The following ACACA variants were observed in gnomAD, a reference collection of about 807,000 sequenced individuals.
ACACA encodes the protein acetyl-CoA carboxylase alpha, also known as acetyl-CoA carboxylase 1.
A neutral mutation model predicts 296.1 loss-of-function variants in ACACA; 103 were observed. The ratio of observed to expected loss-of-function variants is 0.35; its 90% CI spans 0.30 to 0.41. ACACA has a LOEUF of 0.41. ACACA is among the 10% of genes least tolerant of loss of function. The probability of loss-of-function intolerance (pLI) is 1.00; values close to 1 mark genes in which losing one functional copy is unlikely to be tolerated. For missense variants in ACACA, 1,554 were observed against 2,989.7 expected, an observed-to-expected ratio of 0.52 and a Z score of 11.20; for synonymous variants, 953 against 1,038.6, an observed-to-expected ratio of 0.92 and a Z score of 1.58.
intron 52 of ACACA, among the ~76,000 whole-genome samples, chr17:37,107,057 ATCTACCT>A (rs2073729250): frequency 1.3e-5 from 2 of 152,156 alleles, no homozygotes; most frequent in South Asian, 4.1e-4. Context: ...AAGATCCCAT[ATCTACCT>A]TCGTGATAGA....
chr17:37,210,751 CAAAAAAAAAA>C (rs57591064), intron 29 of ACACA, among the ~76,000 whole-genome samples: 13 of 72,408 alleles, frequency 1.8e-4, no homozygotes, highest in African/African-American at 3.4e-4. Flanking sequence ...GCTCTATTAC[CAAAAAAAAAA>C]AAAAAAAAAA....
In ACACA at chr17:37,173,999, TATATA is replaced by T. The variant is rs2076992676; in HGVS notation, c.5079+5256_5079+5260del. 2.8e-3 allele frequency among the ~76,000 whole-genome samples: 30 copies of T among 10,612 alleles called. 3 individuals carry two copies. The highest frequency in any genetic ancestry group is 0.018 in the African/African-American group (29 of 1,632). 7.0% of individuals were successfully genotyped at this position (10,612 alleles called of 152,430 possible). On this transcript the variant is annotated intron_variant, in intron 41 of 55. Transcript: ENST00000616317. Reference sequence around the variant, plus strand: ...TGGCTAATTTATATATATATATATATATATATATATATATATATATATTTTTTTTT... The same window carrying T: ...TGGCTAATTTATATATATATATATATTATATATATATATATATTTTTTTTT...
rs563622998 is a variant in ACACA, at chr17:37,105,611, T to C, written c.6565+5920A>G. On this transcript the variant is annotated intron_variant, in intron 52 of 55. Coordinates refer to ENST00000616317, the MANE Select transcript of ACACA (RefSeq NM_198834.3). ...CAGGCACGGTGGCTCATGCCTGTAATCCCAACACTTTAGGAGGCCGAGGCG... is the reference window on the plus strand; with the variant it reads ...CAGGCACGGTGGCTCATGCCTGTAACCCCAACACTTTAGGAGGCCGAGGCG... 1.6e-4 allele frequency among the ~76,000 whole-genome samples: 25 copies of C among 152,238 alleles called. No individual in the cohort carries two copies. In the East Asian group the frequency reaches 4.8e-3, roughly 29 times the overall value.
At chr17:37,375,971 G>C in intron 1 of ACACA, 1 of 724,626 alleles carries the variant, frequency 1.4e-6, no homozygotes, top group Non-Finnish European at 2.4e-6. Flanking sequence ...GGTGGAATCA[G>C]AGTCTCTCAG....
chr17:37,262,434 G>A (rs1006082894), intron 11 of ACACA, among the ~76,000 whole-genome samples: 1 of 152,164 alleles, frequency 6.6e-6, no homozygotes, highest in African/African-American at 2.4e-5. Context: ...TCATGAAGAT[G>A]ACAATGTCCA....
At chr17:37,346,129 A>G (rs955598752) in intron 1 of ACACA, among the ~76,000 whole-genome samples, 1 of 152,108 alleles carries the variant, frequency 6.6e-6, no homozygotes, top group East Asian at 1.9e-4. Context: ...TTACTATTGT[A>G]CCAATGTTAA....
intron 35 of ACACA, among the ~76,000 whole-genome samples, chr17:37,193,680 T>A (rs934963989): frequency 6.6e-6 from 1 of 152,168 alleles, no homozygotes; most frequent in African/African-American, 2.4e-5. Context: ...ATGAATTTTT[T>A]AAATCTCCCA....
chr17:37,272,173 G>A (rs1390621006), intron 9 of ACACA, among the ~76,000 whole-genome samples: 1 of 152,036 alleles, frequency 6.6e-6, no homozygotes, highest in Non-Finnish European at 1.5e-5. Flanking sequence ...GTGAAACCCT[G>A]TCTGCACTAA....
intron 3 of ACACA, among the ~76,000 whole-genome samples, chr17:37,290,465 A>T (rs1202368047): frequency 6.6e-6 from 1 of 152,218 alleles, no homozygotes; most frequent in Non-Finnish European, 1.5e-5. Context: ...CTTCACATGC[A>T]CTGGCATATT....
chr17:37,340,027 G>T (rs2048312992), intron 1 of ACACA, among the ~76,000 whole-genome samples, 177 bp from the exon 2 acceptor site: 1 of 151,938 alleles, frequency 6.6e-6, no homozygotes, highest in South Asian at 2.1e-4. Flanking sequence ...GTTCAATTCT[G>T]TAAATCAAAC....
intron 36 of ACACA, among the ~76,000 whole-genome samples, chr17:37,193,173 A>G (rs368469705): frequency 5.8e-4 from 89 of 152,304 alleles, no homozygotes; most frequent in African/African-American, 2.0e-3. Flanking sequence ...GAGTAGCTCA[A>G]TACATTTGGT....
intron 9 of ACACA, among the ~76,000 whole-genome samples, chr17:37,271,141 A>T (rs1269417131): frequency 6.6e-6 from 1 of 152,236 alleles, no homozygotes; most frequent in Non-Finnish European, 1.5e-5. Flanking sequence ...ATGGGTCAAA[A>T]ACAAAATTAT....
At chr17:37,206,745 G>C in intron 32 of ACACA, 38 bp downstream of exon 32, 1 of 1,486,652 alleles carries the variant, frequency 6.7e-7, no homozygotes, top group Non-Finnish European at 9.4e-7. Context: ...TCCCATGTCT[G>C]AGGGGAACAA....
intron 5 of ACACA, among the ~76,000 whole-genome samples, chr17:37,281,609 T>C (rs900345509): frequency 6.6e-6 from 1 of 152,230 alleles, no homozygotes; most frequent in Admixed American, 6.5e-5. Context: ...GGCTTACACC[T>C]GTAATCCTAG....
Position 37,373,456 on chromosome 17 carries a change from A to G in ACACA, c.38+32806T>C, listed in dbSNP as rs544860536. The stretch of plus-strand genomic sequence containing the variant: ...GAGACAGGGTTTAACCTTGTTAGTC[A>G]AGCTGGTCTTGAACTCCTGACCTCA... On this transcript the variant is annotated intron_variant, in intron 1 of 55. Coordinates refer to ENST00000616317, the MANE Select transcript of ACACA (RefSeq NM_198834.3). 2.2e-4 allele frequency among the ~76,000 whole-genome samples: 33 copies of G among 152,036 alleles called. No individual in the cohort carries two copies. The East Asian group carries it at 5.6e-3, about 26-fold the overall frequency.
chr17:37,188,860 G>A (rs1252287891), intron 38 of ACACA, among the ~76,000 whole-genome samples: 2 of 152,174 alleles, frequency 1.3e-5, no homozygotes, highest in Admixed American at 1.3e-4. Context: ...CTATTAAGTA[G>A]CATTTATATG....
intron 17 of ACACA, 99 bp from the exon 18 acceptor site, chr17:37,248,255 G>A: frequency 1.4e-6 from 2 of 1,447,824 alleles, no homozygotes; most frequent in Non-Finnish European, 1.9e-6. Flanking sequence ...GATCTGTCAG[G>A]AGGAAGAAAA....
At chr17:37,135,888 A>G (rs1053663268) in intron 45 of ACACA, among the ~76,000 whole-genome samples, 3 of 151,856 alleles carry the variant, frequency 2.0e-5, no homozygotes, top group Admixed American at 6.6e-5. Flanking sequence ...GAGATTTCTG[A>G]TAAGTTAATT....
chr17:37,231,618 C>T (rs2079862523), intron 25 of ACACA, among the ~76,000 whole-genome samples: 1 of 152,114 alleles, frequency 6.6e-6, no homozygotes, highest in Non-Finnish European at 1.5e-5. Context: ...CCATCTAAAC[C>T]AAATCAGGGG....
Sources: allele counts gnomAD v4.1 joint callset (sites outside exome capture counted in the v4.1 genomes callset), GRCh38; gene constraint gnomAD v4.1.1; transcripts MANE v1.5; gene names NCBI Gene and HGNC (gene_info 2026-07-23, HGNC 2026-07-21).